CACNA1E: variants seen among roughly 807,000 people sequenced by gnomAD.
CACNA1E encodes voltage-dependent R-type calcium channel subunit alpha-1E.
A neutral mutation model predicts 259.2 loss-of-function variants in CACNA1E; 40 were observed. The observed-to-expected ratio is 0.15, with a 90% CI of 0.12 to 0.20. The LOEUF (loss-of-function observed/expected upper bound fraction) is 0.20, where lower values mean the gene tolerates loss of function less well. CACNA1E is among the 10% of genes least tolerant of loss of function. The probability of loss-of-function intolerance (pLI) is 1.00; values close to 1 mark genes in which losing one functional copy is unlikely to be tolerated. For missense variants in CACNA1E, 1,874 were observed against 3,040.1 expected, an observed-to-expected ratio of 0.62 and a Z score of 9.02; for synonymous variants, 1,104 against 1,138.5, an observed-to-expected ratio of 0.97 and a Z score of 0.61.
chr1:181,594,601 TTGGCCAGAC>T (rs1264966533), intron 6 of CACNA1E, among the ~76,000 whole-genome samples: 1 of 152,198 alleles, frequency 6.6e-6, no homozygotes, highest in African/African-American at 2.4e-5. Context: ...TTTCGCCATG[TTGGCCAGAC>T]TGGTCTTGAA....
intron 3 of CACNA1E, among the ~76,000 whole-genome samples, chr1:181,564,856 T>C (rs558142033): frequency 6.6e-6 from 1 of 152,204 alleles, no homozygotes; most frequent in African/African-American, 2.4e-5. Flanking sequence ...CTTGGTACAC[T>C]GTCAATGAGC....
In CACNA1E at chr1:181,771,065, T is replaced by C. The variant is rs199928; in HGVS notation, c.4882-228T>C. 0.79 allele frequency among the ~76,000 whole-genome samples: 120,389 copies of C among 152,140 alleles called. 48,240 individuals carry two copies. The highest frequency in any genetic ancestry group is 0.89 in the South Asian group (4,311 of 4,820). On this transcript the variant is annotated intron_variant, in intron 35 of 47. Transcript: ENST00000367573. ...AAGAGCTTGCGTTCTACGTTATGCT[T>C]GGACCTTGCTGCATGGGTCCCCTTT...
chr1:181,406,934 A>G (rs566505832), intron 1 of CACNA1E, among the ~76,000 whole-genome samples: 2 of 152,236 alleles, frequency 1.3e-5, no homozygotes, highest in Admixed American at 1.3e-4. Flanking sequence ...CTCATTGTTT[A>G]TGTGAGAAAA....
chr1:181,484,413 G>T (rs1026567847), intron 1 of CACNA1E, among the ~76,000 whole-genome samples: 2 of 152,018 alleles, frequency 1.3e-5, no homozygotes, highest in South Asian at 2.1e-4. Context: ...CACTCTGCCC[G>T]TATCCCCACC....
chr1:181,650,272 T>G (rs535075792), intron 6 of CACNA1E, among the ~76,000 whole-genome samples: 1 of 152,378 alleles, frequency 6.6e-6, no homozygotes, highest in African/African-American at 2.4e-5. Context: ...AGTTCTGGTC[T>G]TAATTTTACT....
At chr1:181,784,795 G>A in intron 41 of CACNA1E, 27 bp downstream of exon 41, 4 of 1,330,428 alleles carry the variant, frequency 3.0e-6, no homozygotes, top group Non-Finnish European at 4.2e-6. Context: ...GGGTATCCTT[G>A]TCACTGTGGG....
intron 6 of CACNA1E, among the ~76,000 whole-genome samples, chr1:181,608,575 G>A (rs1040755561): frequency 5.3e-5 from 8 of 152,114 alleles, no homozygotes; most frequent in Non-Finnish European, 1.0e-4. Flanking sequence ...TGTGACCACC[G>A]GTGAGAATGG....
In CACNA1E at chr1:181,571,117, T is replaced by C. The variant is rs536234716; in HGVS notation, c.513-6649T>C. ...TGCTATGTGCAGAACTTTACAAGCA[T>C]TATTTTTTTTTAATCCTTGTTTTAA... On this transcript the variant is annotated intron_variant, in intron 3 of 47. Transcript: ENST00000367573. 6.4e-4 allele frequency among the ~76,000 whole-genome samples: 96 copies of C among 150,328 alleles called. 1 individual carries two copies. The highest frequency in any genetic ancestry group is 2.3e-3 in the African/African-American group (95 of 41,072).
chr1:181,646,675 C>T (rs1340194748), intron 6 of CACNA1E, among the ~76,000 whole-genome samples: 8 of 152,182 alleles, frequency 5.3e-5, no homozygotes, highest in Non-Finnish European at 8.8e-5. Flanking sequence ...TGGGCCCTGC[C>T]TGCATAGCTT....
intron 25 of CACNA1E, chr1:181,745,355 A>T (rs756772867): frequency 4.1e-6 from 2 of 493,752 alleles, no homozygotes; most frequent in Non-Finnish European, 7.9e-6. Context: ...AATTAACAGC[A>T]TGAAATTGGG....
At chr1:181,582,889 G>A (rs545162127) in intron 6 of CACNA1E, among the ~76,000 whole-genome samples, 12 of 152,238 alleles carry the variant, frequency 7.9e-5, no homozygotes, top group African/African-American at 2.9e-4. Context: ...GGAGGGAGGG[G>A]AGGAGATCAA....
At chr1:181,490,139 G>A (rs144975221) in intron 1 of CACNA1E, among the ~76,000 whole-genome samples, 8 of 152,222 alleles carry the variant, frequency 5.3e-5, no homozygotes, top group East Asian at 1.9e-4. Context: ...AAAGCTTGAC[G>A]AGCCCCAGTG....
intron 3 of CACNA1E, among the ~76,000 whole-genome samples, chr1:181,517,254 T>C (rs1666656352): frequency 6.6e-6 from 1 of 152,076 alleles, no homozygotes; most frequent in South Asian, 2.1e-4. Context: ...AAGAATGCTA[T>C]GTACAAATGC....
chr1:181,333,822 A>AT (rs1417579100), intron 1 of CACNA1E, among the ~76,000 whole-genome samples: 1 of 151,970 alleles, frequency 6.6e-6, no homozygotes, highest in Non-Finnish European at 1.5e-5. Context: ...CGCCCGGCTA[A>AT]TTTTTTGTAT....
intron 6 of CACNA1E, among the ~76,000 whole-genome samples, chr1:181,632,412 G>T (rs1273691453): frequency 6.6e-6 from 1 of 152,206 alleles, no homozygotes; most frequent in East Asian, 1.9e-4. Flanking sequence ...TGGGGTGGGA[G>T]CAGGTGTTGA....
At chr1:181,574,762 C>G (rs192085842) in intron 3 of CACNA1E, among the ~76,000 whole-genome samples, 185 of 152,274 alleles carry the variant, frequency 1.2e-3, no homozygotes, top group African/African-American at 3.9e-3. Context: ...TATGGTGGCT[C>G]ACACCTGTAA....
chr1:181,697,377 A>G (rs780652584), intron 7 of CACNA1E, among the ~76,000 whole-genome samples: 2 of 152,216 alleles, frequency 1.3e-5, no homozygotes, highest in Non-Finnish European at 2.9e-5. Context: ...GCTTCATTTA[A>G]AAAGTGAGCT....
At chr1:181,509,083 T>C (rs1221388283) in intron 1 of CACNA1E, among the ~76,000 whole-genome samples, 2 of 151,780 alleles carry the variant, frequency 1.3e-5, no homozygotes, top group South Asian at 2.1e-4. Flanking sequence ...CAGAGATGCA[T>C]GGTGGTGGGG....
intron 33 of CACNA1E, 25 bp downstream of exon 33, chr1:181,762,682 C>T: frequency 7.1e-7 from 1 of 1,410,710 alleles, no homozygotes; most frequent in South Asian, 1.2e-5. Flanking sequence ...AGATCCATGT[C>T]TGTAAGCTTG....
Sources: gnomAD v4.1 joint callset for allele counts (sites outside exome capture counted in the v4.1 genomes callset) on GRCh38, gnomAD v4.1.1 for gene constraint, MANE v1.5 for transcripts, NCBI Gene and HGNC (gene_info 2026-07-23, HGNC 2026-07-21) for gene names.